Variants in SLC13A3 observed in about 807,000 individuals in gnomAD.
SLC13A3 encodes the protein solute carrier family 13 member 3.
Under a neutral mutation model 59.0 loss-of-function variants are expected in SLC13A3, and 40 were observed. The ratio of observed to expected loss-of-function variants is 0.68; its 90% CI spans 0.53 to 0.88. The LOEUF (loss-of-function observed/expected upper bound fraction) is 0.88. Ranked by LOEUF, SLC13A3 falls within the 40% of genes least tolerant of loss-of-function variation. The pLI, the probability that SLC13A3 is intolerant of heterozygous loss-of-function variation, is 0.00. For missense variants in SLC13A3, 699 were observed against 783.2 expected (o/e 0.89, Z 1.28); for synonymous variants, 317 against 330.3 (o/e 0.96, Z 0.44).
upstream of SLC13A3, among the ~76,000 whole-genome samples, chr20:46,652,219 C>T (rs909922118): frequency 9.2e-5 from 14 of 152,170 alleles, no homozygotes; most frequent in African/African-American, 2.9e-4. Flanking sequence ...CAAATCTGCA[C>T]ATGTACCCCT....
At chr20:46,651,599 G>C (rs973961345), upstream of SLC13A3, 5 of 1,253,826 alleles carry the variant, frequency 4.0e-6, no homozygotes, top group African/African-American at 7.9e-5. Flanking sequence ...AAAGAGGCCC[G>C]GGAACGTTGG....
At chr20:46,569,838 C>T (rs926984413) in intron 10 of SLC13A3, among the ~76,000 whole-genome samples, 1 of 152,164 alleles carries the variant, frequency 6.6e-6, no homozygotes, top group African/African-American at 2.4e-5. Flanking sequence ...TTACTTCAAC[C>T]AGGTCCTCTC....
intron 3 of SLC13A3, among the ~76,000 whole-genome samples, chr20:46,601,091 A>G (rs559084108): frequency 6.6e-6 from 1 of 152,234 alleles, no homozygotes; most frequent in South Asian, 2.1e-4. Context: ...ATGTGCTGGG[A>G]AAGAGGTGTA....
intron 9 of SLC13A3, among the ~76,000 whole-genome samples, chr20:46,577,411 C>A (rs527883251): frequency 6.6e-6 from 1 of 152,314 alleles, no homozygotes; most frequent in African/African-American, 2.4e-5. Context: ...GATGAGGTAA[C>A]CAGACATGGC....
intron 9 of SLC13A3, chr20:46,583,186 T>A (rs2062155860): frequency 1.4e-6 from 1 of 693,208 alleles, no homozygotes; most frequent in Non-Finnish European, 1.8e-6. Flanking sequence ...GAAAATAAAT[T>A]TCCACAAATT....
intron 8 of SLC13A3, 23 bp downstream of exon 8, chr20:46,588,036 C>T: frequency 1.4e-6 from 2 of 1,477,038 alleles, no homozygotes; most frequent in African/African-American, 1.4e-5. Flanking sequence ...TGGACTCCTC[C>T]CTGTGGGTCC....
Position 46,563,498 on chromosome 20 carries a change from G to GC in SLC13A3, c.1547dup (p.Cys517LeufsTer65). 1 of 1,614,138 alleles carries GC rather than the reference G, an allele frequency of 6.2e-7. No homozygotes were observed. Among genetic ancestry groups the GC allele is most frequent in the Non-Finnish European group, 8.5e-7 (1 of 1,180,016 alleles). On this transcript the variant is annotated frameshift_variant, in exon 12 of 13. Coordinates refer to ENST00000279027, the MANE Select transcript of SLC13A3 (RefSeq NM_022829.6). LOFTEE classifies it high-confidence loss of function. ...CCGGGAGCATGAAGGCAAAGGAGCA[G>GC]CCGACTGTGCCCGGAATCATCAGAT...
At chr20:46,680,407 C>T (rs1012682650) in intron 1 of SLC13A3, among the ~76,000 whole-genome samples, 1 of 152,218 alleles carries the variant, frequency 6.6e-6, no homozygotes, top group African/African-American at 2.4e-5. Flanking sequence ...CCAACTGCTC[C>T]ACGTACCTCC....
chr20:46,642,062 G>A (rs921063563), intron 1 of SLC13A3, among the ~76,000 whole-genome samples: 3 of 152,294 alleles, frequency 2.0e-5, no homozygotes, highest in Admixed American at 6.5e-5. Flanking sequence ...TCATGCCCAC[G>A]TTTCCTCTTA....
At chr20:46,630,242 A>T (rs1026059196) in intron 1 of SLC13A3, among the ~76,000 whole-genome samples, 1 of 152,220 alleles carries the variant, frequency 6.6e-6, no homozygotes, top group African/African-American at 2.4e-5. Flanking sequence ...CTTTACAGCC[A>T]TACAGGTGAT....
At chr20:46,666,644 C>CA (rs2063064115) in intron 1 of SLC13A3, among the ~76,000 whole-genome samples, 1 of 152,078 alleles carries the variant, frequency 6.6e-6, no homozygotes, top group African/African-American at 2.4e-5. Context: ...GCTGTAACTA[C>CA]AGGCGCACAC....
At chr20:46,570,217 G>A (rs1402154181) in intron 10 of SLC13A3, among the ~76,000 whole-genome samples, 1 of 152,206 alleles carries the variant, frequency 6.6e-6, no homozygotes, top group Admixed American at 6.5e-5. Context: ...AACACTCTCT[G>A]TACTTAGTAA....
intron 3 of SLC13A3, among the ~76,000 whole-genome samples, chr20:46,605,083 C>G (rs1249107314): frequency 6.6e-6 from 1 of 152,126 alleles, no homozygotes; most frequent in South Asian, 2.1e-4. Flanking sequence ...AGTTGAAGAG[C>G]CCTGATAAGA....
rs1413759518 is a variant in SLC13A3 at position 46,600,011 on chromosome 20, T to C, written c.568A>G (p.Thr190Ala). ...TAAVRRNGLH[T>A]VPTEMQFLAS... ...AGAAACTGCATCTCCGTGGGCACAG[T>C]GTGTAGGCCGTTTCTCCGCACAGCA... Residue 190 changes from threonine to alanine, a missense_variant, in exon 4 of 13, where the codon ACT (threonine) becomes GCT (alanine). Thr to Ala is a moderately conservative substitution (Grantham distance 58). Coordinates refer to ENST00000279027, the MANE Select transcript of SLC13A3 (RefSeq NM_022829.6). The C allele has an allele frequency of 1.3e-6, 2 of 1,580,286 alleles. No individual in the cohort carries two copies. Among genetic ancestry groups the C allele is most frequent in the South Asian group, 1.2e-5 (1 of 86,908 alleles).
intron 10 of SLC13A3, among the ~76,000 whole-genome samples, chr20:46,566,920 T>C (rs905421359): frequency 6.6e-6 from 1 of 151,894 alleles, no homozygotes; most frequent in Non-Finnish European, 1.5e-5. Context: ...AATGTAATTA[T>C]CAATAATAAT....
upstream of SLC13A3, among the ~76,000 whole-genome samples, chr20:46,670,884 C>A (rs186357546): frequency 8.5e-5 from 13 of 152,248 alleles, no homozygotes; most frequent in Non-Finnish European, 1.5e-4. Context: ...GAGTTGGGAT[C>A]CTTCATGAAT....
intron 1 of SLC13A3, among the ~76,000 whole-genome samples, chr20:46,627,742 G>A (rs561403815): frequency 3.0e-4 from 45 of 152,158 alleles, no homozygotes; most frequent in African/African-American, 8.7e-4. Flanking sequence ...ATGAAAAACC[G>A]ACATATTGTA....
intron 1 of SLC13A3, among the ~76,000 whole-genome samples, chr20:46,648,891 C>A (rs913618221): frequency 1.2e-4 from 18 of 149,740 alleles, no homozygotes; most frequent in African/African-American, 4.5e-4. Flanking sequence ...TGTTACAGAG[C>A]AAGACCCTAT....
chr20:46,563,207 C>T, intron 12 of SLC13A3, among the ~76,000 whole-genome samples: 1 of 152,216 alleles, frequency 6.6e-6, no homozygotes, highest in African/African-American at 2.4e-5. Context: ...GGAAAGTAGT[C>T]ACTAAGGCAG....
Sources: gnomAD v4.1 joint callset for allele counts (sites outside exome capture counted in the v4.1 genomes callset) on GRCh38, gnomAD v4.1.1 for gene constraint, MANE v1.5 for transcripts, NCBI Gene and HGNC (gene_info 2026-07-23, HGNC 2026-07-21) for gene names.